LRIG3: variants seen among roughly 807,000 people sequenced by gnomAD.
LRIG3 encodes leucine rich repeats and immunoglobulin like domains 3, also known as leucine-rich repeats and immunoglobulin-like domains protein 3.
LRIG3 carries 76 observed loss-of-function variants against 114.5 expected under a neutral mutation model. The ratio of observed to expected loss-of-function variants is 0.66; its 90% CI spans 0.55 to 0.80. The LOEUF (loss-of-function observed/expected upper bound fraction) is 0.80. LRIG3 is among the 30% of genes least tolerant of loss of function. The pLI, the probability that LRIG3 is intolerant of heterozygous loss-of-function variation, is 0.00. For synonymous variants in LRIG3, 512 were observed against 519.8 expected (o/e 0.98, Z 0.20); for missense variants, 1,239 against 1,382.8 (o/e 0.90, Z 1.65).
At chr12:58,893,507 A>C (rs1871524863) in intron 3 of LRIG3, among the ~76,000 whole-genome samples, 1 of 152,216 alleles carries the variant, frequency 6.6e-6, no homozygotes, top group African/African-American at 2.4e-5. Flanking sequence ...CAAGTCAGCC[A>C]TGACCTCTGA....
At chr12:58,881,178 T>C (rs1871117063) in intron 12 of LRIG3, among the ~76,000 whole-genome samples, 1 of 152,204 alleles carries the variant, frequency 6.6e-6, no homozygotes, top group Non-Finnish European at 1.5e-5. Context: ...AACCCACACT[T>C]TATTCCTGAT....
chr12:58,919,194 C>A (rs1286527538), intron 1 of LRIG3, among the ~76,000 whole-genome samples: 1 of 152,196 alleles, frequency 6.6e-6, no homozygotes, highest in African/African-American at 2.4e-5. Context: ...GCATTTCCAA[C>A]TAAATTACAT....
At chr12:58,873,907 C>T in intron 18 of LRIG3, 148 bp downstream of exon 18, 1 of 886,632 alleles carries the variant, frequency 1.1e-6, no homozygotes, top group Non-Finnish European at 1.8e-6. Flanking sequence ...CTTTTGGAGG[C>T]ATTTACACTA....
chr12:58,915,215 T>C (rs1592313257), intron 1 of LRIG3, among the ~76,000 whole-genome samples: 1 of 152,180 alleles, frequency 6.6e-6, no homozygotes, highest in East Asian at 1.9e-4. Context: ...CTATGTGCCT[T>C]CAAAATAGTG....
At chr12:58,897,871 A>T (rs912988264) in intron 3 of LRIG3, among the ~76,000 whole-genome samples, 6 of 152,170 alleles carry the variant, frequency 3.9e-5, no homozygotes, top group Non-Finnish European at 8.8e-5. Context: ...CGTCATTTTC[A>T]CATATCGGAC....
intron 14 of LRIG3, among the ~76,000 whole-genome samples, 167 bp downstream of exon 14, chr12:58,878,657 G>A (rs370629477): frequency 4.2e-4 from 64 of 152,284 alleles, no homozygotes; most frequent in African/African-American, 1.5e-3. Context: ...TGCAATCCCT[G>A]ACTTCAAAGT....
chr12:58,898,052 TA>T (rs1376171217), intron 3 of LRIG3, among the ~76,000 whole-genome samples: 4 of 152,186 alleles, frequency 2.6e-5, no homozygotes, highest in Admixed American at 6.5e-5. Flanking sequence ...GATTGCACCA[TA>T]AGGATTTAAC....
At position 58,887,850 on chromosome 12, in the gene LRIG3, T is replaced by G. The variant is rs756533920; in HGVS notation, c.1030A>C (p.Asn344His). ...TCAGCAATGTAGCTGACTCTGTTGTTCCCAATGTGCAGTGTATTTAGTAAG... is the reference window on the plus strand; with the variant it reads ...TCAGCAATGTAGCTGACTCTGTTGTGCCCAATGTGCAGTGTATTTAGTAAG... ...LSLLNTLHIG[N>H]NRVSYIADCA... Residue 344 changes from asparagine to histidine, a missense_variant, in exon 8 of 19, where the codon AAC becomes CAC. Asn to His is a moderately conservative substitution (Grantham distance 68). Transcript: ENST00000320743. The G allele has an allele frequency of 1.2e-6, 2 of 1,613,888 alleles. No individual in the cohort carries two copies. The highest frequency in any genetic ancestry group is 1.7e-6 in the Non-Finnish European group (2 of 1,179,836).
intron 1 of LRIG3, among the ~76,000 whole-genome samples, chr12:58,917,929 G>A (rs1022497159): frequency 1.3e-5 from 2 of 152,166 alleles, no homozygotes; most frequent in African/African-American, 4.8e-5. Flanking sequence ...CCAAATAACA[G>A]AGAAAGTAAA....
At chr12:58,884,989 A>G (rs1871229274) in intron 10 of LRIG3, among the ~76,000 whole-genome samples, 1 of 152,144 alleles carries the variant, frequency 6.6e-6, no homozygotes, top group East Asian at 1.9e-4. Context: ...ATTCCTATCA[A>G]TGTTAGCTAG....
intron 3 of LRIG3, among the ~76,000 whole-genome samples, chr12:58,894,809 G>A (rs1236362337): frequency 6.6e-6 from 1 of 152,216 alleles, no homozygotes; most frequent in East Asian, 1.9e-4. Flanking sequence ...AATACTGGAA[G>A]GTGTTTCAGT....
chr12:58,872,676 TC>T lies in LRIG3; in HGVS notation c.3255del (p.Glu1087LysfsTer18), dbSNP rs1191220800. On this transcript the variant is annotated frameshift_variant, in exon 19 of 19. Coordinates refer to ENST00000320743, the MANE Select transcript of LRIG3 (RefSeq NM_153377.5). LOFTEE classifies it high-confidence loss of function. ...TCTTCCTGAAAATCTGTCCTTTCTT[TC>T]CCATCTTCCTCTGACCCAGAGTCCA... The part of the protein sequence containing the change: ...PDLDSGSEED[G>X]KERTDFQEEN... 6.2e-7 allele frequency: 1 copy of T among 1,614,142 alleles called. No homozygotes were observed.
At chr12:58,877,284 A>G in intron 15 of LRIG3, 116 bp downstream of exon 15, 1 of 1,032,832 alleles carries the variant, frequency 9.7e-7, no homozygotes, top group East Asian at 2.5e-5. Context: ...AGCTTGAAAC[A>G]AATGAGTCAC....
In LRIG3 at chr12:58,885,920, A is replaced by G. The variant is rs1871262816; in HGVS notation, c.1173-18T>C. On this transcript the variant is annotated intron_variant, in intron 9 of 18. Transcript: ENST00000320743. Reference sequence around the variant, plus strand: ...GGAGTATCCTGGGGAAAAAAATTACATTGGAGCACTTAATTTAAAAAGCCA... The same window carrying G: ...GGAGTATCCTGGGGAAAAAAATTACGTTGGAGCACTTAATTTAAAAAGCCA... 3 of 1,546,872 alleles carry G rather than the reference A, an allele frequency of 1.9e-6. No homozygotes were observed. Among genetic ancestry groups the G allele is most frequent in the Admixed American group, 3.5e-5 (2 of 56,388 alleles).
At chr12:58,881,647 A>G (rs894861227) in intron 12 of LRIG3, among the ~76,000 whole-genome samples, 5 of 152,228 alleles carry the variant, frequency 3.3e-5, no homozygotes, top group African/African-American at 1.2e-4. Flanking sequence ...TTTCTCAGCC[A>G]TGATCTAAAC....
intron 1 of LRIG3, chr12:58,919,485 C>G (rs1872594876): frequency 1.9e-6 from 3 of 1,551,616 alleles, no homozygotes; most frequent in Non-Finnish European, 2.6e-6. Flanking sequence ...TCCACCATAA[C>G]TTGGAGAATG....
chr12:58,903,075 G>A (rs886705181), intron 3 of LRIG3, among the ~76,000 whole-genome samples: 4 of 152,092 alleles, frequency 2.6e-5, no homozygotes, highest in Non-Finnish European at 5.9e-5. Context: ...TAGTCCTTTG[G>A]GTATATACCC....
At position 58,874,179 on chromosome 12, in the gene LRIG3, T is replaced by C. The variant is rs148520600; in HGVS notation, c.2991A>G (p.Leu997=). 100 of 1,614,098 alleles carry C rather than the reference T, an allele frequency of 6.2e-5. No individual in the cohort carries two copies. Among genetic ancestry groups the C allele is most frequent in the South Asian group, 1.3e-4 (12 of 91,090 alleles). The change falls in exon 18 of 19, where the codon CTA becomes CTG. Residue 997 remains leucine (L), a synonymous_variant. Coordinates refer to ENST00000320743, the MANE Select transcript of LRIG3 (RefSeq NM_153377.5). ...CATTGTGAGAGTAACTAGTGTTAAG[T>C]AGCTTCCTCACATGTGAAGGCCACG... ...NISWPSHVRK[L]LNTSYSHNEG...
intron 8 of LRIG3, 102 bp downstream of exon 8, chr12:58,887,687 T>G: frequency 5.0e-6 from 6 of 1,191,684 alleles, no homozygotes; most frequent in Non-Finnish European, 7.2e-6. Context: ...CTTCTGAGGC[T>G]GTATGCATTT....
Sources: gnomAD v4.1 joint callset for allele counts (sites outside exome capture counted in the v4.1 genomes callset) on GRCh38, gnomAD v4.1.1 for gene constraint, MANE v1.5 for transcripts, NCBI Gene and HGNC (gene_info 2026-07-23, HGNC 2026-07-21) for gene names.